The following GFRAL variants were observed in gnomAD, a reference collection of about 807,000 sequenced individuals.
The protein encoded by GFRAL is GDNF family receptor alpha-like.
Under a neutral mutation model 45.4 loss-of-function variants are expected in GFRAL, and 36 were observed. That is an observed-to-expected ratio of 0.79 (90% CI 0.61 to 1.05). The LOEUF (loss-of-function observed/expected upper bound fraction) is 1.05. Among genes scored for constraint, GFRAL ranks in the 50% least tolerant of loss-of-function variants. GFRAL has a pLI of 0.00. For synonymous variants in GFRAL, 166 were observed against 154.1 expected, an observed-to-expected ratio of 1.08 and a Z score of -0.57; for missense variants, 507 against 467.5, an observed-to-expected ratio of 1.08 and a Z score of -0.78.
At chr6:55,342,714 TAA>T (rs1767985460) in intron 3 of GFRAL, among the ~76,000 whole-genome samples, 1 of 152,008 alleles carries the variant, frequency 6.6e-6, no homozygotes, top group Admixed American at 6.6e-5. Flanking sequence ...ATGCTCCAAT[TAA>T]AAGACACAGA....
Position 55,333,841 on chromosome 6 carries a change from G to A in GFRAL, c.213G>A (p.Gln71=). ...RNSSYCNLSI[Q]YLVESNFQFK... is the part of the protein sequence containing the mutation. ...CATCATACTGTAACCTGAGTATCCA[G>A]TACTTAGTGGAAAGCAATTTCCAAT... Residue 71 remains glutamine (Q), a synonymous_variant, in exon 3 of 9, where the codon CAG becomes CAA. Transcript: ENST00000340465. 1 of 1,610,996 alleles carries A rather than the reference G, an allele frequency of 6.2e-7. No individual in the cohort carries two copies. Among genetic ancestry groups the A allele is most frequent in the South Asian group, 1.1e-5 (1 of 90,748 alleles).
At chr6:55,348,278 T>C (rs1344206927) in intron 3 of GFRAL, among the ~76,000 whole-genome samples, 1 of 151,982 alleles carries the variant, frequency 6.6e-6, no homozygotes, top group Non-Finnish European at 1.5e-5. Flanking sequence ...ATGCTAGTTT[T>C]ATATTTAATG....
At chr6:55,400,858 T>C (rs1184216323) in intron 8 of GFRAL, among the ~76,000 whole-genome samples, 1 of 152,086 alleles carries the variant, frequency 6.6e-6, no homozygotes, top group Non-Finnish European at 1.5e-5. Context: ...TGACAAACAT[T>C]GTTACAACAA....
At chr6:55,395,799 A>G (rs1768817560) in intron 6 of GFRAL, among the ~76,000 whole-genome samples, 1 of 151,886 alleles carries the variant, frequency 6.6e-6, no homozygotes, top group African/African-American at 2.4e-5. Flanking sequence ...AAAAAAAGAA[A>G]AAAGAAACAG....
At chr6:55,353,286 A>C (rs1768144769) in intron 5 of GFRAL, among the ~76,000 whole-genome samples, 1 of 152,038 alleles carries the variant, frequency 6.6e-6, no homozygotes, top group African/African-American at 2.4e-5. Flanking sequence ...AACTTCCTGA[A>C]GGTTCTTAGT....
At chr6:55,336,340 AC>A (rs1212189764) in intron 3 of GFRAL, among the ~76,000 whole-genome samples, 2 of 152,196 alleles carry the variant, frequency 1.3e-5, no homozygotes, top group Non-Finnish European at 2.9e-5. Flanking sequence ...GAAATTATAA[AC>A]CAATTTACTA....
At chr6:55,401,602 A>T (rs1768896890) in intron 8 of GFRAL, among the ~76,000 whole-genome samples, 188 bp from the exon 9 acceptor site, 1 of 152,250 alleles carries the variant, frequency 6.6e-6, no homozygotes, top group African/African-American at 2.4e-5. Flanking sequence ...TTACTTGGAC[A>T]TCATAGTTAA....
At chr6:55,367,357 C>T (rs1270487901) in intron 6 of GFRAL, among the ~76,000 whole-genome samples, 1 of 142,854 alleles carries the variant, frequency 7.0e-6, no homozygotes, top group East Asian at 1.9e-4. Context: ...GATGGGTTTC[C>T]TGAATACAGC....
At chr6:55,362,882 G>A (rs1406070057) in intron 6 of GFRAL, among the ~76,000 whole-genome samples, 1 of 151,348 alleles carries the variant, frequency 6.6e-6, no homozygotes, top group African/African-American at 2.4e-5. Flanking sequence ...GAAAAGGAAG[G>A]GGCAGGAAGG....
In GFRAL at chr6:55,355,188, A is replaced by G. The variant is rs150346767; in HGVS notation, c.701+3605A>G. Among the ~76,000 whole-genome samples, 6 of 151,768 alleles carry G rather than the reference A, an allele frequency of 4.0e-5. No individual in the cohort carries two copies. The East Asian group carries it at 1.2e-3, about 30-fold the overall frequency. On this transcript the variant is annotated intron_variant, in intron 5 of 8. Coordinates refer to ENST00000340465, the MANE Select transcript of GFRAL (RefSeq NM_207410.2). ...AATGTGGATTAAAGATCTTTCCATAATTGCATATAAGAAAATTCACACATC... is the reference window on the plus strand; with the variant it reads ...AATGTGGATTAAAGATCTTTCCATAGTTGCATATAAGAAAATTCACACATC...
At chr6:55,389,223 T>G (rs1220752813) in intron 6 of GFRAL, among the ~76,000 whole-genome samples, 2 of 152,188 alleles carry the variant, frequency 1.3e-5, no homozygotes, top group African/African-American at 4.8e-5. Flanking sequence ...TTAGTTATTT[T>G]TCCTGATCCT....
At chr6:55,369,193 TGACCC>T (rs1768413684) in intron 6 of GFRAL, among the ~76,000 whole-genome samples, 1 of 151,912 alleles carries the variant, frequency 6.6e-6, no homozygotes, top group Admixed American at 6.6e-5. Context: ...CGGGTGGGAG[TGACCC>T]GATTTTCCAG....
At chr6:55,345,976 C>A (rs550385368) in intron 3 of GFRAL, among the ~76,000 whole-genome samples, 1 of 152,284 alleles carries the variant, frequency 6.6e-6, no homozygotes, top group South Asian at 2.1e-4. Flanking sequence ...AAATGCAAAT[C>A]AAAACCACAA....
At chr6:55,364,097 CTGT>C (rs1768319657) in intron 6 of GFRAL, among the ~76,000 whole-genome samples, 1 of 146,962 alleles carries the variant, frequency 6.8e-6, no homozygotes, top group Admixed American at 6.7e-5. Flanking sequence ...TCTCCAGTAC[CTGT>C]TGTTTCCTGC....
intron 6 of GFRAL, among the ~76,000 whole-genome samples, chr6:55,390,541 C>G (rs1351710132): frequency 2.6e-5 from 4 of 152,154 alleles, no homozygotes; most frequent in Middle Eastern, 3.4e-3. Context: ...TTGACAAATG[C>G]AAGTCAAAGT....
intron 5 of GFRAL, among the ~76,000 whole-genome samples, chr6:55,352,381 C>T (rs926377395): frequency 1.2e-4 from 18 of 152,004 alleles, no homozygotes; most frequent in Non-Finnish European, 2.2e-4. Flanking sequence ...GTGACAAAAA[C>T]AAAGATTCTT....
chr6:55,341,755 A>G (rs913402823), intron 3 of GFRAL, among the ~76,000 whole-genome samples: 28 of 152,202 alleles, frequency 1.8e-4, no homozygotes, highest in African/African-American at 6.0e-4. Context: ...AACCCATTGA[A>G]AAGAAGCTAA....
intron 6 of GFRAL, among the ~76,000 whole-genome samples, chr6:55,382,245 T>C (rs1561865090): frequency 6.6e-6 from 1 of 151,950 alleles, no homozygotes; most frequent in Non-Finnish European, 1.5e-5. Context: ...TTTTTCCTCT[T>C]AGAAATAAGT....
At chr6:55,393,385 T>TAGAA in intron 6 of GFRAL, among the ~76,000 whole-genome samples, 1 of 152,308 alleles carries the variant, frequency 6.6e-6, no homozygotes, top group East Asian at 1.9e-4. Context: ...GAACCAGTGT[T>TAGAA]TTATGGAACA....
Sources: allele counts gnomAD v4.1 joint callset (sites outside exome capture counted in the v4.1 genomes callset), GRCh38; gene constraint gnomAD v4.1.1; transcripts MANE v1.5; gene names NCBI Gene and HGNC (gene_info 2026-07-23, HGNC 2026-07-21).